Variants in URB1 observed in about 807,000 individuals in gnomAD.
URB1 encodes nucleolar pre-ribosomal-associated protein 1.
A neutral mutation model predicts 242.3 loss-of-function variants in URB1; 197 were observed. That is an observed-to-expected ratio of 0.81 (90% CI 0.72 to 0.91). The LOEUF is 0.91. URB1 is among the 40% of genes least tolerant of loss of function. The probability of loss-of-function intolerance (pLI) is 0.00; values close to 1 mark genes in which losing one functional copy is unlikely to be tolerated. For missense variants in URB1, 2,721 were observed against 2,860.5 expected, an observed-to-expected ratio of 0.95 and a Z score of 1.11; for synonymous variants, 1,153 against 1,201.8, an observed-to-expected ratio of 0.96 and a Z score of 0.84.
intron 1 of URB1, among the ~76,000 whole-genome samples, chr21:32,386,385 C>A (rs186779694): frequency 6.6e-6 from 1 of 152,184 alleles, no homozygotes; most frequent in Non-Finnish European, 1.5e-5. Flanking sequence ...CAAGCCAGGA[C>A]GTGCCCTTAC....
chr21:32,337,498 C>T lies in URB1; in HGVS notation c.4527G>A (p.Leu1509=). ...GGCACATCTCCACCACCGTCAGCAT[C>T]AGGTCCACCAGCGCTTCTGCAAGAA... ...DSQVKEALVD[L]MLTVVEMCPS... is the part of the protein sequence containing the mutation. The change falls in exon 27 of 39, where the codon CTG becomes CTA. Residue 1509 remains leucine (L), a synonymous_variant. Coordinates refer to ENST00000382751, the MANE Select transcript of URB1 (RefSeq NM_014825.3). 1 of 1,551,642 alleles carries T rather than the reference C, an allele frequency of 6.4e-7. No homozygotes were observed. The highest frequency in any genetic ancestry group is 8.7e-7 in the Non-Finnish European group (1 of 1,146,982).
chr21:32,378,481 C>T lies in URB1; in HGVS notation c.628G>A (p.Asp210Asn). The T allele has an allele frequency of 1.3e-6, 2 of 1,551,692 alleles. No homozygotes were observed. Among genetic ancestry groups the T allele is most frequent in the African/African-American group, 1.4e-5 (1 of 73,148 alleles). ...QFALSFLIAG[D>N]DSTIVQVLEV... ...AACACCTGCACTATAGTGCTGTCAT[C>T]ACCCGCAATTAAAAAGGAGAGAGCA... is the stretch of plus-strand genomic sequence containing the variant. The change falls in exon 5 of 39, where the codon GAT becomes AAT. Residue 210 changes from aspartate to asparagine, a missense_variant. Transcript: ENST00000382751.
rs142967669 is a variant in URB1 at position 32,352,784 on chromosome 21, G to C, written c.2539C>G (p.Pro847Ala). 138 of 1,551,728 alleles carry C rather than the reference G, an allele frequency of 8.9e-5. No homozygotes were observed. In the African/African-American group the frequency reaches 1.6e-3, roughly 18 times the overall value. The change falls in exon 19 of 39, where the codon CCT becomes GCT. Residue 847 changes from proline (P) to alanine (A), a missense_variant. Transcript: ENST00000382751. ...AACCGTGAGAGCTGCTGGCAGCAAGGCACCAGGCATGGAGGCTCAAGCTTA... is the reference window on the plus strand; with the variant it reads ...AACCGTGAGAGCTGCTGGCAGCAAGCCACCAGGCATGGAGGCTCAAGCTTA... ...YDKLEPPCLV[P>A]CCQQLSRFNR...
intron 21 of URB1, among the ~76,000 whole-genome samples, chr21:32,348,778 A>G (rs2033123240): frequency 6.6e-6 from 1 of 152,248 alleles, no homozygotes; most frequent in Non-Finnish European, 1.5e-5. Flanking sequence ...AAGGCAACTC[A>G]GAGCTCAAAG....
intron 5 of URB1, 59 bp downstream of exon 5, chr21:32,378,386 T>C (rs1163446037): frequency 6.9e-7 from 1 of 1,455,654 alleles, no homozygotes; most frequent in Non-Finnish European, 9.4e-7. Flanking sequence ...GAAGAAACGG[T>C]TTGCAGTAGG....
intron 10 of URB1, 39 bp from the exon 11 acceptor site, chr21:32,363,368 G>C (rs1045633587): frequency 6.5e-7 from 1 of 1,538,972 alleles, no homozygotes; most frequent in Admixed American, 2.0e-5. Context: ...ATGTCTCTAG[G>C]ATACACAGAT....
intron 6 of URB1, among the ~76,000 whole-genome samples, chr21:32,374,701 G>T (rs967561151): frequency 3.9e-5 from 6 of 152,182 alleles, no homozygotes; most frequent in African/African-American, 1.4e-4. Flanking sequence ...GGGCCATCCT[G>T]GGCATTACAG....
rs1180993519 is a variant in URB1, at chr21:32,313,206, C to T, written c.*1712G>A. 1 of 152,368 alleles carries T rather than the reference C, an allele frequency of 6.6e-6. No individual in the cohort carries two copies. Among genetic ancestry groups the T allele is most frequent in the African/African-American group, 2.4e-5 (1 of 41,456 alleles). 9.4% of individuals were successfully genotyped at this position (152,368 alleles called of 1,614,324 possible). A position where few individuals can be genotyped will look rare whatever the true frequency, so the allele number is the denominator to read the frequency against. ...AGGGATGAAGCCGTGGAAATCCACC[C>T]CACCTGCTCGCTGCCCCTCCCTGTG... On this transcript the variant is annotated 3_prime_UTR_variant, in exon 39 of 39. Coordinates refer to ENST00000382751, the MANE Select transcript of URB1 (RefSeq NM_014825.3).
rs55869718 is a variant in URB1, at chr21:32,359,517, A to G, written c.1869+279T>C. Among the ~76,000 whole-genome samples, 373 of 152,300 alleles carry G rather than the reference A, an allele frequency of 2.4e-3. 2 individuals are homozygous for G. Among genetic ancestry groups the G allele is most frequent in the African/African-American group, 8.6e-3 (356 of 41,560 alleles). On this transcript the variant is annotated intron_variant, in intron 14 of 38. Coordinates refer to ENST00000382751, the MANE Select transcript of URB1 (RefSeq NM_014825.3). ...TTATTTAAAAATGAGAAAAATGTAA[A>G]ATGTAAAACAGTTGAGATAAACAAG...
intron 30 of URB1, among the ~76,000 whole-genome samples, chr21:32,327,148 A>C (rs2032839026): frequency 6.6e-6 from 1 of 152,210 alleles, no homozygotes. Flanking sequence ...TCACAAATAA[A>C]GCATATATAT....
At position 32,319,303 on chromosome 21, in the gene URB1, A is replaced by G. The variant is rs1360519525; in HGVS notation, c.5706T>C (p.Pro1902=). The change falls in exon 36 of 39, where the codon CCT becomes CCC. Residue 1902 remains proline (P), a synonymous_variant. Coordinates refer to ENST00000382751, the MANE Select transcript of URB1 (RefSeq NM_014825.3). The part of the protein sequence containing the change: ...VEWESQRLCQ[P]SSQEPAKRLA... ...GCCGCTTGGCAGGCTCCTGGGAGCTAGGCTGGCAAAGGCGCTGGCTCTCCC... is the reference window on the plus strand; with the variant it reads ...GCCGCTTGGCAGGCTCCTGGGAGCTGGGCTGGCAAAGGCGCTGGCTCTCCC... 2.7e-5 allele frequency: 42 copies of G among 1,551,220 alleles called. No homozygotes were observed. The East Asian group carries it at 1.0e-3, about 38-fold the overall frequency.
intron 4 of URB1, among the ~76,000 whole-genome samples, chr21:32,380,558 G>A (rs1364578063): frequency 3.3e-5 from 5 of 152,176 alleles, no homozygotes; most frequent in African/African-American, 1.2e-4. Context: ...CATTCAAGAT[G>A]CCATCATCTC....
At position 32,385,814 on chromosome 21, in the gene URB1, T is replaced by C. The variant is rs1017495779; in HGVS notation, c.143-130A>G. ...CACCTACACTGCACAGAAGCTACTA[T>C]GAATGCTATCAACTTAACTGTTTCT... On this transcript the variant is annotated intron_variant, in intron 1 of 38. Transcript: ENST00000382751. 62 of 1,233,040 alleles carry C rather than the reference T, an allele frequency of 5.0e-5. No individual in the cohort carries two copies. In the African/African-American group the frequency reaches 5.6e-4, roughly 11 times the overall value. 76.4% of individuals were successfully genotyped at this position (1,233,040 alleles called of 1,614,324 possible). A position where few individuals can be genotyped will look rare whatever the true frequency, so the allele number is the denominator to read the frequency against.
intron 21 of URB1, 51 bp from the exon 22 acceptor site, chr21:32,347,862 CA>C (rs1012555602): frequency 9.5e-6 from 14 of 1,475,416 alleles, no homozygotes; most frequent in Middle Eastern, 1.8e-4. Flanking sequence ...AGGGCTAAGA[CA>C]GGGGCGGCAG....
chr21:32,377,083 C>T (rs757552471), intron 5 of URB1: 53 of 465,868 alleles, frequency 1.1e-4, no homozygotes, highest in Non-Finnish European at 1.8e-4. Context: ...TATTCCCTAA[C>T]AAAACCTCTA....
At chr21:32,336,109 GC>G (rs1241852348) in intron 28 of URB1, among the ~76,000 whole-genome samples, 1 of 152,148 alleles carries the variant, frequency 6.6e-6, no homozygotes, top group African/African-American at 2.4e-5. Context: ...CATAGCACCA[GC>G]TCCGACGTCA....
At chr21:32,333,536 G>T in intron 29 of URB1, 117 bp from the exon 30 acceptor site, 1 of 794,808 alleles carries the variant, frequency 1.3e-6, no homozygotes, top group Non-Finnish European at 2.0e-6. Flanking sequence ...TGGAATATTT[G>T]CATACATAAT....
rs1298509650 is a variant in URB1 at position 32,389,968 on chromosome 21, T to A, written c.142+2801A>T. 2.0e-5 allele frequency among the ~76,000 whole-genome samples: 3 copies of A among 152,166 alleles called. No homozygotes were observed. In the South Asian group the frequency reaches 6.2e-4, roughly 32 times the overall value. On this transcript the variant is annotated intron_variant, in intron 1 of 38. Coordinates refer to ENST00000382751, the MANE Select transcript of URB1 (RefSeq NM_014825.3). ...CCTCACATGCCTGGTGAAAACAAAG[T>A]CTCCTAACAGCCATCAACTTCACTT... is the stretch of plus-strand genomic sequence containing the variant.
intron 1 of URB1, 111 bp from the exon 2 acceptor site, chr21:32,385,795 C>G (rs1460787626): frequency 5.9e-6 from 8 of 1,345,298 alleles, no homozygotes; most frequent in Admixed American, 2.4e-5. Flanking sequence ...GATCCACCTA[C>G]ACTGCACAGA....
Sources: allele counts gnomAD v4.1 joint callset (sites outside exome capture counted in the v4.1 genomes callset), GRCh38; gene constraint gnomAD v4.1.1; transcripts MANE v1.5; gene names NCBI Gene and HGNC (gene_info 2026-07-23, HGNC 2026-07-21).